The following NANOS1 variants were observed in gnomAD, a reference collection of about 807,000 sequenced individuals.
NANOS1 encodes nanos C2HC-type zinc finger 1.
In NANOS1, 1 loss-of-function variant was observed where a neutral mutation model predicts 1.1. The observed-to-expected ratio is 0.88, with a 90% CI of 0.31 to 4.20. The LOEUF is 4.20. Ranked by LOEUF, NANOS1 falls within the 30% of genes most tolerant of loss-of-function variation. The pLI is 0.17. For synonymous variants in NANOS1, 252 were observed against 230.6 expected, an observed-to-expected ratio of 1.09 and a Z score of -0.84; for missense variants, 537 against 457.9, an observed-to-expected ratio of 1.17 and a Z score of -1.58.
In NANOS1 at chr10:119,029,999, C is replaced by T; in HGVS notation, c.198C>T (p.Ala66=). 7.1e-7 allele frequency: 1 copy of T among 1,414,966 alleles called. No individual in the cohort carries two copies. The highest frequency in any genetic ancestry group is 9.2e-7 in the Non-Finnish European group (1 of 1,084,914). 87.7% of individuals were successfully genotyped at this position (1,414,966 alleles called of 1,614,324 possible). ...ACGGCGAGCCGCGCTTCGGCTGCGC[C>T]CGCGGTGGGAACGGCGGCGGCGGCT... ...AVDGEPRFGC[A]RGGNGGGGSP... is the part of the protein sequence containing the mutation. The change falls in exon 1 of 1, where the codon GCC becomes GCT. Residue 66 remains alanine, a synonymous_variant. Coordinates refer to ENST00000425699, the MANE Select transcript of NANOS1 (RefSeq NM_199461.4).
In NANOS1 at chr10:119,030,315, G is replaced by T; in HGVS notation, c.514G>T (p.Ala172Ser). 1.8e-6 allele frequency: 2 copies of T among 1,134,026 alleles called. No individual in the cohort carries two copies. The highest frequency in any genetic ancestry group is 2.2e-6 in the Non-Finnish European group (2 of 928,234). 70.2% of individuals were successfully genotyped at this position (1,134,026 alleles called of 1,614,324 possible). Residue 172 changes from alanine to serine, a missense_variant, in exon 1 of 1, where the codon GCC becomes TCC. Ala to Ser is a moderately conservative substitution (Grantham distance 99). Coordinates refer to ENST00000425699, the MANE Select transcript of NANOS1 (RefSeq NM_199461.4). The surrounding 1 kb of genome is among the most constrained non-coding windows in gnomAD (Gnocchi z 5.3). ...LLGCAPAAAAAATTTSEATPR... is the reference protein window; with the variant it reads ...LLGCAPAAAASATTTSEATPR... ...GGGCTGCGCGCCCGCCGCCGCCGCC[G>T]CCGCCACCACCACCAGCGAGGCGAC...
At position 119,030,882 on chromosome 10, in the gene NANOS1, T is replaced by C; in HGVS notation, c.*202T>C. 1.4e-6 allele frequency: 1 copy of C among 721,320 alleles called. No individual in the cohort carries two copies. The allele number at this position is 721,320 out of a possible 1,614,324, so 44.7% of individuals were successfully genotyped here. On this transcript the variant is annotated 3_prime_UTR_variant, in exon 1 of 1. Transcript: ENST00000425699. The surrounding 1 kb of genome is among the most constrained non-coding windows in gnomAD (Gnocchi z 5.3). The stretch of plus-strand genomic sequence containing the variant: ...TTGGGACTAGACGCTGAAATCCCCA[T>C]TTGTCTTCAGTTTCTAGTTTGCACA...
At position 119,030,520 on chromosome 10, in the gene NANOS1, TGTGTCCCGTGCTGCGCCGCTACAC is replaced by T; in HGVS notation, c.727_750del (p.Val243_Pro250del). On this transcript the variant is annotated inframe_deletion, in exon 1 of 1. Coordinates refer to ENST00000425699, the MANE Select transcript of NANOS1 (RefSeq NM_199461.4). This position sits in a 1 kb window ranked among gnomAD's most constrained non-coding sequence, Gnocchi z 5.3. ...CTCAAGGGCCCCGACGGGCGAGTGC[TGTGTCCCGTGCTGCGCCGCTACAC>T]GTGTCCCCTGTGCGGCGCCAGCGGC... is the stretch of plus-strand genomic sequence containing the variant. 2.0e-6 allele frequency: 3 copies of T among 1,520,402 alleles called. No individual in the cohort carries two copies. The highest frequency in any genetic ancestry group is 2.6e-6 in the Non-Finnish European group (3 of 1,137,780). 94.2% of individuals were successfully genotyped at this position (1,520,402 alleles called of 1,614,324 possible).
rs1396182338 is a variant in NANOS1, at chr10:119,033,654, C to G, written c.*2974C>G. 1.8e-5 allele frequency: 3 copies of G among 166,386 alleles called. No individual in the cohort carries two copies. In the East Asian group the frequency reaches 5.8e-4, roughly 32 times the overall value. 10.3% of individuals were successfully genotyped at this position (166,386 alleles called of 1,614,324 possible). A position where few individuals can be genotyped will look rare whatever the true frequency, so the allele number is the denominator to read the frequency against. On this transcript the variant is annotated 3_prime_UTR_variant, in exon 1 of 1. Coordinates refer to ENST00000425699, the MANE Select transcript of NANOS1 (RefSeq NM_199461.4). ...TTTTTGGAAGTTGCAGAATTATTAGCTTTGATGAGAACAACTTTTGTCATA... is the reference window on the plus strand; with the variant it reads ...TTTTTGGAAGTTGCAGAATTATTAGGTTTGATGAGAACAACTTTTGTCATA...
In NANOS1 at chr10:119,031,020, T is replaced by C. The variant is rs1848041701; in HGVS notation, c.*340T>C. 2 of 243,434 alleles carry C rather than the reference T, an allele frequency of 8.2e-6. No homozygotes were observed. Among genetic ancestry groups the C allele is most frequent in the Non-Finnish European group, 1.7e-5 (2 of 118,612 alleles). The allele number at this position is 243,434 out of a possible 1,614,324, so 15.1% of individuals were successfully genotyped here. A position where few individuals can be genotyped will look rare whatever the true frequency, so the allele number is the denominator to read the frequency against. ...ATTTTAGATGCGCATCAGTATGAAA[T>C]TGTCTCAATCTTGGATGTTTCATTT... On this transcript the variant is annotated 3_prime_UTR_variant, in exon 1 of 1. Transcript: ENST00000425699.
Position 119,030,087 on chromosome 10 carries a change from C to A in NANOS1, c.286C>A (p.Leu96Met), listed in dbSNP as rs1202381788. 2 of 1,312,590 alleles carry A rather than the reference C, an allele frequency of 1.5e-6. No individual in the cohort carries two copies. Among genetic ancestry groups the A allele is most frequent in the East Asian group, 6.2e-5 (2 of 32,074 alleles). The allele number at this position is 1,312,590 out of a possible 1,614,324, so 81.3% of individuals were successfully genotyped here. The change falls in exon 1 of 1, where the codon CTG becomes ATG. Residue 96 changes from leucine (L) to methionine (M), a missense_variant. Leu to Met is a conservative substitution (Grantham distance 15). Coordinates refer to ENST00000425699, the MANE Select transcript of NANOS1 (RefSeq NM_199461.4). This position sits in a 1 kb window ranked among gnomAD's most constrained non-coding sequence, Gnocchi z 5.3. ...CCACACGGGGGCCGGGCCTGGGGCG[C>A]TGGGGCCGGCGCTGGGGCCGCCCGA... Reference protein sequence around the residue: ...SPHTGAGPGALGPALGPPDYD... With the variant: ...SPHTGAGPGAMGPALGPPDYD...
rs1848022484 is a variant in NANOS1, at chr10:119,030,189, C to G, written c.388C>G (p.Arg130Gly). The change falls in exon 1 of 1, where the codon CGC becomes GGC. Residue 130 changes from arginine to glycine, a missense_variant. Coordinates refer to ENST00000425699, the MANE Select transcript of NANOS1 (RefSeq NM_199461.4). This position sits in a 1 kb window ranked among gnomAD's most constrained non-coding sequence, Gnocchi z 5.3. The part of the protein sequence containing the change: ...GRYLGSALEL[R>G]ALELCAGPAE... Reference sequence around the variant, plus strand: ...CTACCTGGGGAGCGCGCTGGAATTGCGCGCGCTGGAGCTGTGCGCGGGCCC... The same window carrying G: ...CTACCTGGGGAGCGCGCTGGAATTGGGCGCGCTGGAGCTGTGCGCGGGCCC... 1.5e-6 allele frequency: 2 copies of G among 1,339,058 alleles called. No individual in the cohort carries two copies. The highest frequency in any genetic ancestry group is 9.5e-7 in the Non-Finnish European group (1 of 1,050,694). 82.9% of individuals were successfully genotyped at this position (1,339,058 alleles called of 1,614,324 possible).
In NANOS1 at chr10:119,032,131, A is replaced by G. The variant is rs1848059110; in HGVS notation, c.*1451A>G. 1.2e-5 allele frequency: 2 copies of G among 167,148 alleles called. No individual in the cohort carries two copies. The highest frequency in any genetic ancestry group is 2.9e-5 in the Non-Finnish European group (2 of 68,140). The allele number at this position is 167,148 out of a possible 1,614,324, so 10.4% of individuals were successfully genotyped here. On this transcript the variant is annotated 3_prime_UTR_variant, in exon 1 of 1. Transcript: ENST00000425699. ...GAAGATACCAGCAAGAGTTTAGTCT[A>G]CGTGTATAAGGCTCCCAGTAGGATT...
Position 119,029,886 on chromosome 10 carries a change from G to A in NANOS1, c.85G>A (p.Val29Met), listed in dbSNP as rs983414522. The A allele has an allele frequency of 2.3e-6, 3 of 1,324,976 alleles. No homozygotes were observed. Among genetic ancestry groups the A allele is most frequent in the Admixed American group, 6.4e-5 (2 of 31,390 alleles). 82.1% of individuals were successfully genotyped at this position (1,324,976 alleles called of 1,614,324 possible). The change falls in exon 1 of 1, where the codon GTG (valine) becomes ATG (methionine). Residue 29 changes from valine to methionine, a missense_variant. Physicochemically the swap from Val to Met is conservative, Grantham distance 21 (BLOSUM62 1). Coordinates refer to ENST00000425699, the MANE Select transcript of NANOS1 (RefSeq NM_199461.4). Reference protein sequence around the residue: ...PMALVPSARYVSAPGPAHPQP... With the variant: ...PMALVPSARYMSAPGPAHPQP... ...GGCGCTCGTGCCCAGCGCCCGCTACGTGAGCGCCCCGGGCCCGGCGCACCC... is the reference window on the plus strand; with the variant it reads ...GGCGCTCGTGCCCAGCGCCCGCTACATGAGCGCCCCGGGCCCGGCGCACCC...
chr10:119,030,033 T>C lies in NANOS1; in HGVS notation c.232T>C (p.Ser78Pro). 3 of 1,352,614 alleles carry C rather than the reference T, an allele frequency of 2.2e-6. No individual in the cohort carries two copies. The highest frequency in any genetic ancestry group is 1.9e-6 in the Non-Finnish European group (2 of 1,045,918). The allele number at this position is 1,352,614 out of a possible 1,614,324, so 83.8% of individuals were successfully genotyped here. ...GAACGGCGGCGGCGGCTCCCCGCCC[T>C]CCTCCTCCTCGTCGTCCTGCTGCTC... ...GGNGGGGSPPSSSSSSCCSPH... is the reference protein window; with the variant it reads ...GGNGGGGSPPPSSSSSCCSPH... The change falls in exon 1 of 1, where the codon TCC (serine) becomes CCC (proline). Residue 78 changes from serine to proline, a missense_variant. Ser to Pro is a moderately conservative substitution (Grantham distance 74, BLOSUM62 -1). Coordinates refer to ENST00000425699, the MANE Select transcript of NANOS1 (RefSeq NM_199461.4). The surrounding 1 kb of genome is among the most constrained non-coding windows in gnomAD (Gnocchi z 5.3).
In NANOS1 at chr10:119,030,266, G is replaced by T. The variant is rs1017221013; in HGVS notation, c.465G>T (p.Ala155=). 2 of 1,233,494 alleles carry T rather than the reference G, an allele frequency of 1.6e-6. No individual in the cohort carries two copies. 76.4% of individuals were successfully genotyped at this position (1,233,494 alleles called of 1,614,324 possible). ...EERFAELSPF[A]GRAAAVLLGC... ...GCTTCGCCGAGCTGAGCCCGTTCGC[G>T]GGTCGTGCCGCCGCCGTGCTGCTGG... The change falls in exon 1 of 1, where the codon GCG becomes GCT. Residue 155 remains alanine (A), a synonymous_variant. Coordinates refer to ENST00000425699, the MANE Select transcript of NANOS1 (RefSeq NM_199461.4). This position sits in a 1 kb window ranked among gnomAD's most constrained non-coding sequence, Gnocchi z 5.3.
Position 119,030,011 on chromosome 10 carries a change from C to G in NANOS1, c.210C>G (p.Asn70Lys). 2 of 1,398,660 alleles carry G rather than the reference C, an allele frequency of 1.4e-6. No individual in the cohort carries two copies. Among genetic ancestry groups the G allele is most frequent in the Non-Finnish European group, 1.9e-6 (2 of 1,074,912 alleles). The allele number at this position is 1,398,660 out of a possible 1,614,324, so 86.6% of individuals were successfully genotyped here. Residue 70 changes from asparagine to lysine, a missense_variant, in exon 1 of 1, where the codon AAC (asparagine) becomes AAG (lysine). Transcript: ENST00000425699. This position sits in a 1 kb window ranked among gnomAD's most constrained non-coding sequence, Gnocchi z 5.3. ...EPRFGCARGG[N>K]GGGGSPPSSS... ...GCTTCGGCTGCGCCCGCGGTGGGAA[C>G]GGCGGCGGCGGCTCCCCGCCCTCCT... is the stretch of plus-strand genomic sequence containing the variant.
At position 119,030,044 on chromosome 10, in the gene NANOS1, G is replaced by C. The variant is rs760493425; in HGVS notation, c.243G>C (p.Ser81=). 145 of 1,363,906 alleles carry C rather than the reference G, an allele frequency of 1.1e-4. No homozygotes were observed. The highest frequency in any genetic ancestry group is 2.5e-4 in the Admixed American group (8 of 31,778). 84.5% of individuals were successfully genotyped at this position (1,363,906 alleles called of 1,614,324 possible). A position where few individuals can be genotyped will look rare whatever the true frequency, so the allele number is the denominator to read the frequency against. Reference sequence around the variant, plus strand: ...GCGGCTCCCCGCCCTCCTCCTCCTCGTCGTCCTGCTGCTCCCCCCACACGG... The same window carrying C: ...GCGGCTCCCCGCCCTCCTCCTCCTCCTCGTCCTGCTGCTCCCCCCACACGG... The part of the protein sequence containing the change: ...GGGGSPPSSS[S]SSCCSPHTGA... Residue 81 remains serine (S), a synonymous_variant, in exon 1 of 1, where the codon TCG becomes TCC. Transcript: ENST00000425699. The surrounding 1 kb of genome is among the most constrained non-coding windows in gnomAD (Gnocchi z 5.3).
At position 119,029,860 on chromosome 10, in the gene NANOS1, T is replaced by C; in HGVS notation, c.59T>C (p.Met20Thr). The C allele has an allele frequency of 1.6e-6, 2 of 1,235,646 alleles. No individual in the cohort carries two copies. Among genetic ancestry groups the C allele is most frequent in the Admixed American group, 4.3e-5 (1 of 23,508 alleles). The allele number at this position is 1,235,646 out of a possible 1,614,324, so 76.5% of individuals were successfully genotyped here. A position where few individuals can be genotyped will look rare whatever the true frequency, so the allele number is the denominator to read the frequency against. Residue 20 changes from methionine (M) to threonine (T), a missense_variant, in exon 1 of 1, where the codon ATG (methionine) becomes ACG (threonine). Transcript: ENST00000425699. Reference sequence around the variant, plus strand: ...CGCCGCGGCCGCGCCCCCCCGCCCATGGCGCTCGTGCCCAGCGCCCGCTAC... The same window carrying C: ...CGCCGCGGCCGCGCCCCCCCGCCCACGGCGCTCGTGCCCAGCGCCCGCTAC... ...SPRRGRAPPPMALVPSARYVS... is the reference protein window; with the variant it reads ...SPRRGRAPPPTALVPSARYVS...
At position 119,033,059 on chromosome 10, in the gene NANOS1, TGTG is replaced by T. The variant is rs1848075341; in HGVS notation, c.*2384_*2386del. ...AAAAATACAAAAATTAGCCGGGTGG[TGTG>T]GTGGGCGCCTGTAATCCCAGCTCCT... is the stretch of plus-strand genomic sequence containing the variant. On this transcript the variant is annotated 3_prime_UTR_variant, in exon 1 of 1. Transcript: ENST00000425699. The T allele has an allele frequency of 1.2e-5, 2 of 164,592 alleles. No homozygotes were observed. Among genetic ancestry groups the T allele is most frequent in the South Asian group, 2.1e-4 (1 of 4,798 alleles). The allele number at this position is 164,592 out of a possible 1,614,324, so 10.2% of individuals were successfully genotyped here.
chr10:119,029,874 A>C lies in NANOS1; in HGVS notation c.73A>C (p.Ser25Arg). ...RAPPPMALVP[S>R]ARYVSAPGPA... ...CCCCCCGCCCATGGCGCTCGTGCCC[A>C]GCGCCCGCTACGTGAGCGCCCCGGG... Residue 25 changes from serine (S) to arginine (R), a missense_variant, in exon 1 of 1, where the codon AGC (serine) becomes CGC (arginine). Transcript: ENST00000425699. 1 of 1,281,242 alleles carries C rather than the reference A, an allele frequency of 7.8e-7. No individual in the cohort carries two copies. The highest frequency in any genetic ancestry group is 3.3e-5 in the East Asian group (1 of 30,424). 79.4% of individuals were successfully genotyped at this position (1,281,242 alleles called of 1,614,324 possible).
rs1416663749 is a variant in NANOS1, at chr10:119,031,314, C to G, written c.*634C>G. 6.0e-6 allele frequency: 1 copy of G among 167,034 alleles called. No homozygotes were observed. The highest frequency in any genetic ancestry group is 2.4e-5 in the African/African-American group (1 of 41,436). The allele number at this position is 167,034 out of a possible 1,614,324, so 10.3% of individuals were successfully genotyped here. On this transcript the variant is annotated 3_prime_UTR_variant, in exon 1 of 1. Coordinates refer to ENST00000425699, the MANE Select transcript of NANOS1 (RefSeq NM_199461.4). ...TCCCCGCTTGTGGCTTGTTTCTGTC[C>G]TAGCTGGAGGTGTAAAATGCACAAT...
Position 119,033,650 on chromosome 10 carries a change from T to C in NANOS1, c.*2970T>C, listed in dbSNP as rs556542362. ...GTCCTTTTTGGAAGTTGCAGAATTA[T>C]TAGCTTTGATGAGAACAACTTTTGT... On this transcript the variant is annotated 3_prime_UTR_variant, in exon 1 of 1. Transcript: ENST00000425699. The C allele has an allele frequency of 7.2e-5, 12 of 166,718 alleles. No individual in the cohort carries two copies. The highest frequency in any genetic ancestry group is 2.9e-4 in the African/African-American group (12 of 41,572). 10.3% of individuals were successfully genotyped at this position (166,718 alleles called of 1,614,324 possible).
rs1026762978 is a variant in NANOS1, at chr10:119,032,559, A to G, written c.*1879A>G. ...CAACATGAATCCTCTTACCTCTCTC[A>G]CTGCTCGTGTTCTGCCTTTTCAAAA... is the stretch of plus-strand genomic sequence containing the variant. On this transcript the variant is annotated 3_prime_UTR_variant, in exon 1 of 1. Coordinates refer to ENST00000425699, the MANE Select transcript of NANOS1 (RefSeq NM_199461.4). 4.2e-5 allele frequency: 7 copies of G among 167,146 alleles called. No homozygotes were observed. The highest frequency in any genetic ancestry group is 1.7e-4 in the African/African-American group (7 of 41,530). 10.4% of individuals were successfully genotyped at this position (167,146 alleles called of 1,614,324 possible). A position where few individuals can be genotyped will look rare whatever the true frequency, so the allele number is the denominator to read the frequency against.
Sources: allele counts gnomAD v4.1 joint callset, GRCh38; gene constraint gnomAD v4.1.1; non-coding constraint Gnocchi (gnomAD v3.1); transcripts MANE v1.5; gene names NCBI Gene and HGNC (gene_info 2026-07-23, HGNC 2026-07-21).